The following LGSN variants were observed in gnomAD, a reference collection of about 807,000 sequenced individuals.
The protein encoded by LGSN is lengsin.
In LGSN, 21 loss-of-function variants were observed where a neutral mutation model predicts 19.5. The observed-to-expected ratio is 1.07, with a 90% confidence interval of 0.76 to 1.55. The LOEUF (loss-of-function observed/expected upper bound fraction) is 1.55, where lower values mean the gene tolerates loss of function less well. Ranked by LOEUF, LGSN falls within the 40% of genes most tolerant of loss-of-function variation. LGSN has a pLI of 0.00. For missense variants in LGSN, 673 were observed against 608.5 expected (o/e 1.11, Z -1.12); for synonymous variants, 257 against 215.6 (o/e 1.19, Z -1.68).
At chr6:63,496,888 T>C in the LGSN span, among the ~76,000 whole-genome samples, 1 of 152,282 alleles carries the variant, frequency 6.6e-6, no homozygotes, top group African/African-American at 2.4e-5. Flanking sequence ...AGTTTTGTTC[T>C]GCCCTTGCCT....
At chr6:63,467,819 G>C in the LGSN span, among the ~76,000 whole-genome samples, 1 of 152,164 alleles carries the variant, frequency 6.6e-6, no homozygotes, top group Non-Finnish European at 1.5e-5. Flanking sequence ...AGACCCCTGA[G>C]TAGCTGGGAT....
the LGSN span, among the ~76,000 whole-genome samples, chr6:63,455,526 G>A: frequency 5.9e-5 from 9 of 151,750 alleles, no homozygotes; most frequent in South Asian, 8.3e-4. Flanking sequence ...AGGCCGAGGC[G>A]GATGGATCAC....
the LGSN span, among the ~76,000 whole-genome samples, chr6:63,478,149 C>A: frequency 1.3e-5 from 2 of 152,120 alleles, no homozygotes; most frequent in Non-Finnish European, 2.9e-5. Context: ...AAATACATAG[C>A]TATTCACTGA....
the LGSN span, among the ~76,000 whole-genome samples, chr6:63,356,457 G>A: frequency 3.9e-5 from 6 of 152,052 alleles, no homozygotes; most frequent in African/African-American, 4.8e-5. Context: ...TGGGAGAATC[G>A]CTTGAACCTG....
At chr6:63,509,966 T>A in the LGSN span, among the ~76,000 whole-genome samples, 1 of 152,216 alleles carries the variant, frequency 6.6e-6, no homozygotes, top group African/African-American at 2.4e-5. Flanking sequence ...TTTCAAAACA[T>A]GAGTATGTGA....
chr6:63,557,765 T>C, the LGSN span, among the ~76,000 whole-genome samples: 1 of 152,140 alleles, frequency 6.6e-6, no homozygotes, highest in Non-Finnish European at 1.5e-5. Flanking sequence ...GTCATGATCT[T>C]GAAGGGTCTT....
the LGSN span, chr6:63,481,817 G>T: frequency 3.2e-6 from 1 of 315,034 alleles, no homozygotes; most frequent in East Asian, 8.5e-5. Context: ...TATGCGGGAG[G>T]AGCAGATCAC....
intron 1 of LGSN, among the ~76,000 whole-genome samples, chr6:63,313,886 ACATACATG>A (rs1300462901): frequency 1.6e-4 from 24 of 151,740 alleles, no homozygotes; most frequent in African/African-American, 5.8e-4. Flanking sequence ...ATACATACAT[ACATACATG>A]CATACATACA....
the LGSN span, among the ~76,000 whole-genome samples, chr6:63,512,624 A>G: frequency 6.6e-6 from 1 of 152,188 alleles, no homozygotes; most frequent in Non-Finnish European, 1.5e-5. Flanking sequence ...GACTACCATG[A>G]TTAGCTTAGA....
the LGSN span, among the ~76,000 whole-genome samples, chr6:63,517,816 A>G: frequency 5.3e-5 from 8 of 152,110 alleles, no homozygotes; most frequent in African/African-American, 1.7e-4. Flanking sequence ...AAATGTCTCT[A>G]CTAGCGCAAC....
chr6:63,368,533 G>T, the LGSN span, among the ~76,000 whole-genome samples: 1 of 152,052 alleles, frequency 6.6e-6, no homozygotes, highest in African/African-American at 2.4e-5. Context: ...CTATTAAAAG[G>T]TCACCTTTTC....
At chr6:63,530,368 G>C in the LGSN span, among the ~76,000 whole-genome samples, 1 of 152,130 alleles carries the variant, frequency 6.6e-6, no homozygotes, top group Non-Finnish European at 1.5e-5. Flanking sequence ...TTATATGATG[G>C]TACTGGAAGG....
rs762167169 is a variant in LGSN, at chr6:63,279,650, C to A, written c.*371G>T. 4 of 158,328 alleles carry A rather than the reference C, an allele frequency of 2.5e-5. No homozygotes were observed. Among genetic ancestry groups the A allele is most frequent in the Non-Finnish European group, 4.1e-5 (3 of 72,500 alleles). 9.8% of individuals were successfully genotyped at this position (158,328 alleles called of 1,614,324 possible). ...AATTTTTTCTCCTTTTCTTTTTTTTCTTTTTTAGTCATTTAAATTTTGCTT... is the reference window on the plus strand; with the variant it reads ...AATTTTTTCTCCTTTTCTTTTTTTTATTTTTTAGTCATTTAAATTTTGCTT... On this transcript the variant is annotated 3_prime_UTR_variant, in exon 4 of 4. Transcript: ENST00000370657.
At chr6:63,379,319 G>A in the LGSN span, among the ~76,000 whole-genome samples, 3,564 of 152,158 alleles carry the variant, frequency 0.023, 144 homozygotes, top group African/African-American at 0.082. Flanking sequence ...CTTTGAAAAC[G>A]AGGAGACAAC....
the LGSN span, among the ~76,000 whole-genome samples, chr6:63,459,295 G>A: frequency 6.6e-6 from 1 of 152,146 alleles, no homozygotes; most frequent in Non-Finnish European, 1.5e-5. Context: ...AACTAGGAGA[G>A]ACCATATTAA....
At chr6:63,383,578 A>C in the LGSN span, among the ~76,000 whole-genome samples, 1 of 152,118 alleles carries the variant, frequency 6.6e-6, no homozygotes, top group East Asian at 1.9e-4. Flanking sequence ...CATAAATAAA[A>C]ATAAGACACA....
chr6:63,499,248 C>T, the LGSN span, among the ~76,000 whole-genome samples: 1 of 152,030 alleles, frequency 6.6e-6, no homozygotes, highest in Non-Finnish European at 1.5e-5. Flanking sequence ...CATACATGGC[C>T]TCCCATTGGA....
chr6:63,431,859 G>A, the LGSN span, among the ~76,000 whole-genome samples: 2 of 150,654 alleles, frequency 1.3e-5, no homozygotes, highest in Non-Finnish European at 2.9e-5. Context: ...TTGAGGTCAG[G>A]ATTTCAAGAC....
At chr6:63,454,663 G>A in the LGSN span, among the ~76,000 whole-genome samples, 1 of 151,270 alleles carries the variant, frequency 6.6e-6, no homozygotes, top group Non-Finnish European at 1.5e-5. Flanking sequence ...GTAGAGATGG[G>A]GTTTCACCAT....
Sources: gnomAD v4.1 joint callset for allele counts (sites outside exome capture counted in the v4.1 genomes callset) on GRCh38, gnomAD v4.1.1 for gene constraint, MANE v1.5 for transcripts, NCBI Gene and HGNC (gene_info 2026-07-23, HGNC 2026-07-21) for gene names.